The following ANKRD30A variants were observed in gnomAD, a reference collection of about 807,000 sequenced individuals.
ANKRD30A encodes the protein ankyrin repeat domain 30A.
A neutral mutation model predicts 166.3 loss-of-function variants in ANKRD30A; 170 were observed. The ratio of observed to expected loss-of-function variants is 1.02; its 90% CI spans 0.90 to 1.16. The LOEUF (loss-of-function observed/expected upper bound fraction) is 1.16, where lower values mean the gene tolerates loss of function less well. Among genes scored for constraint, ANKRD30A ranks in the 50% most tolerant of loss-of-function variants. The pLI, the probability that ANKRD30A is intolerant of heterozygous loss-of-function variation, is 0.00. For missense variants in ANKRD30A, 1,630 were observed against 1,518.0 expected (o/e 1.07, Z -1.23); for synonymous variants, 564 against 508.9 (o/e 1.11, Z -1.46).
the ANKRD30A span, among the ~76,000 whole-genome samples, chr10:37,240,373 C>A: frequency 6.6e-6 from 1 of 152,086 alleles, no homozygotes; most frequent in Non-Finnish European, 1.5e-5. Context: ...CCAACAGACC[C>A]AAGACTCATC....
In ANKRD30A at chr10:37,162,841, G is replaced by T. The variant is rs568154205; in HGVS notation, c.1995G>T (p.Leu665Phe). Residue 665 changes from leucine (L) to phenylalanine (F), a missense_variant, in exon 17 of 36, where the codon TTG (leucine) becomes TTT (phenylalanine). Leu to Phe is a conservative substitution (Grantham distance 22). This residue lies in a region of ANKRD30A where 904 missense variants were observed against 818.5 expected (regional missense o/e 1.10). Coordinates refer to ENST00000361713, the MANE Select transcript of ANKRD30A (RefSeq NM_052997.3). ...KALELKNEQTLRADEILPSES... is the reference protein window; with the variant it reads ...KALELKNEQTFRADEILPSES... ...TGGAATTGAAAAATGAACAAACATTGAGAGCAGGTAAATTTTTCAATGTAA... is the reference window on the plus strand; with the variant it reads ...TGGAATTGAAAAATGAACAAACATTTAGAGCAGGTAAATTTTTCAATGTAA... The T allele has an allele frequency of 2.3e-5, 37 of 1,613,104 alleles. No homozygotes were observed. In the East Asian group the frequency reaches 8.2e-4, roughly 36 times the overall value.
chr10:37,258,729 C>T, the ANKRD30A span, among the ~76,000 whole-genome samples: 663 of 150,194 alleles, frequency 4.4e-3, 2 homozygotes, highest in East Asian at 0.017. Flanking sequence ...TTTGGGAGGC[C>T]GAGGTGGGTG....
chr10:37,224,176 T>C (rs1843020773), intron 34 of ANKRD30A, among the ~76,000 whole-genome samples: 1 of 151,402 alleles, frequency 6.6e-6, no homozygotes, highest in Non-Finnish European at 1.5e-5. Flanking sequence ...TGTCAACTGC[T>C]CTTTTCATTA....
Position 37,130,302 on chromosome 10 carries a change from A to G in ANKRD30A, c.434A>G (p.Tyr145Cys). The change falls in exon 3 of 36, where the codon TAT becomes TGT. Residue 145 changes from tyrosine to cysteine, a missense_variant. Coordinates refer to ENST00000361713, the MANE Select transcript of ANKRD30A (RefSeq NM_052997.3). Reference sequence around the variant, plus strand: ...GTGTATGGCAACACGGCTCTCCATTATGCTGTTTATAGTGAGATTTTGTCA... The same window carrying G: ...GTGTATGGCAACACGGCTCTCCATTGTGCTGTTTATAGTGAGATTTTGTCA... ...VDVYGNTALH[Y>C]AVYSEILSVV... 6.2e-7 allele frequency: 1 copy of G among 1,604,866 alleles called. No homozygotes were observed. The highest frequency in any genetic ancestry group is 8.5e-7 in the Non-Finnish European group (1 of 1,175,802).
In ANKRD30A at chr10:37,232,551, T is replaced by C. The variant is rs1363742033; in HGVS notation, c.*264T>C. On this transcript the variant is annotated 3_prime_UTR_variant, in exon 36 of 36. Transcript: ENST00000361713. ...ATCTACCCTGATGATGCAGCAGACA[T>C]CATTCAATCCAACCAGGTGATTTTA... The C allele has an allele frequency of 6.7e-6, 1 of 148,936 alleles. No individual in the cohort carries two copies. The highest frequency in any genetic ancestry group is 1.5e-5 in the Non-Finnish European group (1 of 67,224). The allele number at this position is 148,936 out of a possible 1,614,324, so 9.2% of individuals were successfully genotyped here. A position where few individuals can be genotyped will look rare whatever the true frequency, so the allele number is the denominator to read the frequency against.
intron 34 of ANKRD30A, among the ~76,000 whole-genome samples, chr10:37,223,654 G>GT (rs1183165150): frequency 2.6e-5 from 4 of 151,256 alleles, no homozygotes; most frequent in African/African-American, 4.8e-5. Flanking sequence ...ATTTTGGGTT[G>GT]TTTTTTAAAA....
chr10:37,144,882 C>T lies in ANKRD30A; in HGVS notation c.1394-113C>T, dbSNP rs1218854538. The T allele has an allele frequency of 1.7e-5, 12 of 687,560 alleles. No homozygotes were observed. The East Asian group carries it at 3.6e-4, about 20-fold the overall frequency. 42.6% of individuals were successfully genotyped at this position (687,560 alleles called of 1,614,324 possible). A position where few individuals can be genotyped will look rare whatever the true frequency, so the allele number is the denominator to read the frequency against. On this transcript the variant is annotated intron_variant, in intron 7 of 35. Transcript: ENST00000361713. ...TGTGGTTATCTACCAATAGAATATA[C>T]AGGCTATAGAAGTAAGTCCACAGAT...
intron 1 of ANKRD30A, among the ~76,000 whole-genome samples, chr10:37,129,471 A>G (rs1836247180): frequency 6.6e-6 from 1 of 152,176 alleles, no homozygotes; most frequent in Admixed American, 6.5e-5. Context: ...ATAATACCTA[A>G]CAATTACTGA....
chr10:37,134,029 A>T lies in ANKRD30A; in HGVS notation c.731A>T (p.Tyr244Phe), dbSNP rs1272615600. ...ADICGVTAEH[Y>F]AVTCGFHHIH... Reference sequence around the variant, plus strand: ...ATATGTGGAGTAACTGCAGAACATTATGCTGTTACTTGTGGATTTCATCAG... The same window carrying T: ...ATATGTGGAGTAACTGCAGAACATTTTGCTGTTACTTGTGGATTTCATCAG... Residue 244 changes from tyrosine (Y) to phenylalanine (F), a missense_variant, in exon 5 of 36, where the codon TAT becomes TTT. Tyr to Phe is a conservative substitution (Grantham distance 22). This residue lies in a region of ANKRD30A where 904 missense variants were observed against 818.5 expected (regional missense o/e 1.10). Coordinates refer to ENST00000361713, the MANE Select transcript of ANKRD30A (RefSeq NM_052997.3). The T allele has an allele frequency of 2.5e-6, 4 of 1,614,044 alleles. No homozygotes were observed. The highest frequency in any genetic ancestry group is 3.4e-6 in the Non-Finnish European group (4 of 1,179,942).
chr10:37,236,041 T>G (rs1185571884), downstream of ANKRD30A, among the ~76,000 whole-genome samples: 2 of 152,172 alleles, frequency 1.3e-5, no homozygotes, highest in African/African-American at 4.8e-5. Flanking sequence ...GTGCCGGGAT[T>G]ACAGGCGTGA....
chr10:37,258,620 G>T, the ANKRD30A span, among the ~76,000 whole-genome samples: 1 of 150,754 alleles, frequency 6.6e-6, no homozygotes, highest in East Asian at 2.0e-4. Flanking sequence ...AATCGTAGGT[G>T]GGTTATAAAG....
rs376283553 is a variant in ANKRD30A at position 37,162,675 on chromosome 10, G to C, written c.1927G>C (p.Glu643Gln). ...AEPPGKPSAF[E>Q]PATEMQKSVP... Reference sequence around the variant, plus strand: ...GCCTCCGGGGAAGCCATCTGCCTTCGAGGTATTTAGTTTTATGATTTCATT... The same window carrying C: ...GCCTCCGGGGAAGCCATCTGCCTTCCAGGTATTTAGTTTTATGATTTCATT... Residue 643 changes from glutamate to glutamine, a missense_variant and splice_region_variant, in exon 16 of 36, where the codon GAG (glutamate) becomes CAG (glutamine). By Grantham distance (29) the Glu-to-Gln change is conservative (BLOSUM62 2). Around this residue, in one of 4 missense-constraint regions of ANKRD30A, gnomAD observed 904 missense variants for 818.5 expected, o/e 1.10. Coordinates refer to ENST00000361713, the MANE Select transcript of ANKRD30A (RefSeq NM_052997.3). 1 of 1,612,458 alleles carries C rather than the reference G, an allele frequency of 6.2e-7. No individual in the cohort carries two copies. Among genetic ancestry groups the C allele is most frequent in the South Asian group, 1.1e-5 (1 of 91,014 alleles).
rs186272095 is a variant in ANKRD30A, at chr10:37,159,787, C to T, written c.1900+1201C>T. ...CTCGGCTCACGCAAGCTCTGCCTCC[C>T]GGGTTCACGCCATTCTCCTGCCTCA... is the stretch of plus-strand genomic sequence containing the variant. On this transcript the variant is annotated intron_variant, in intron 15 of 35. Transcript: ENST00000361713. 9.4e-3 allele frequency among the ~76,000 whole-genome samples: 1,435 copies of T among 152,150 alleles called. 36 individuals carry two copies. In the East Asian group the frequency reaches 0.095, roughly 10 times the overall value.
downstream of ANKRD30A, among the ~76,000 whole-genome samples, chr10:37,235,768 T>C (rs2132774604): frequency 7.0e-6 from 1 of 143,802 alleles, no homozygotes; most frequent in East Asian, 2.0e-4. Context: ...TCATTCTCTT[T>C]TTTTTTTTTT....
intron 21 of ANKRD30A, among the ~76,000 whole-genome samples, chr10:37,171,778 G>C (rs1435888122): frequency 6.6e-6 from 1 of 150,488 alleles, no homozygotes; most frequent in Non-Finnish European, 1.5e-5. Context: ...GATTCATTCT[G>C]TGTCTCATGG....
At chr10:37,245,449 T>C in the ANKRD30A span, among the ~76,000 whole-genome samples, 32 of 152,298 alleles carry the variant, frequency 2.1e-4, no homozygotes, top group East Asian at 5.4e-3. Context: ...AAGAATAATG[T>C]TGAATAAATG....
intron 12 of ANKRD30A, among the ~76,000 whole-genome samples, chr10:37,153,181 T>C (rs1053001454): frequency 5.9e-5 from 9 of 152,208 alleles, no homozygotes; most frequent in Non-Finnish European, 1.3e-4. Context: ...TGTTTAATGC[T>C]GTATGTGTCC....
chr10:37,264,620 C>T, the ANKRD30A span: 1 of 329,080 alleles, frequency 3.0e-6, no homozygotes, highest in South Asian at 5.8e-5. Context: ...TCTCATTGCC[C>T]CAAATATGAG....
At chr10:37,231,929 A>C (rs1177295374) in intron 35 of ANKRD30A, among the ~76,000 whole-genome samples, 1 of 152,080 alleles carries the variant, frequency 6.6e-6, no homozygotes, top group Non-Finnish European at 1.5e-5. Flanking sequence ...ATTGCTTTAA[A>C]AACTGCATTT....
Sources: gnomAD v4.1 joint callset for allele counts (sites outside exome capture counted in the v4.1 genomes callset) on GRCh38, gnomAD v4.1.1 for gene constraint, gnomAD v4.1.1 regional missense constraint, MANE v1.5 for transcripts, NCBI Gene and HGNC (gene_info 2026-07-23, HGNC 2026-07-21) for gene names.